The following ZC3H4 variants were observed in gnomAD, a reference collection of about 807,000 sequenced individuals.
ZC3H4 encodes zinc finger CCCH-type containing 4, also known as zinc finger CCCH domain-containing protein 4.
A neutral mutation model predicts 108.3 loss-of-function variants in ZC3H4; 13 were observed. The ratio of observed to expected loss-of-function variants is 0.12; its 90% CI spans 0.08 to 0.19. The LOEUF is 0.19. ZC3H4 is among the 10% of genes least tolerant of loss of function. The pLI is 1.00. For synonymous variants in ZC3H4, 917 were observed against 749.6 expected (o/e 1.22, Z -3.65); for missense variants, 1,734 against 1,838.8 (o/e 0.94, Z 1.04).
At chr19:47,097,213 T>C (rs903029104) in intron 2 of ZC3H4, among the ~76,000 whole-genome samples, 2 of 152,208 alleles carry the variant, frequency 1.3e-5, no homozygotes, top group African/African-American at 4.8e-5. Context: ...ACATCTGGGC[T>C]CAAAGAGAAT....
chr19:47,097,824 G>C (rs768548338), intron 2 of ZC3H4, among the ~76,000 whole-genome samples: 7 of 152,170 alleles, frequency 4.6e-5, no homozygotes, highest in African/African-American at 1.7e-4. Context: ...AAGCAAGCAG[G>C]AGAAAAGCCT....
intron 11 of ZC3H4, among the ~76,000 whole-genome samples, chr19:47,076,186 A>C (rs527958045): frequency 1.0e-3 from 154 of 152,350 alleles, no homozygotes; most frequent in Non-Finnish European, 1.9e-3. Context: ...TGGATAAACA[A>C]ACACAGATCA....
intron 2 of ZC3H4, among the ~76,000 whole-genome samples, chr19:47,095,450 C>A (rs1259807669): frequency 6.6e-6 from 1 of 152,166 alleles, no homozygotes; most frequent in African/African-American, 2.4e-5. Flanking sequence ...TCCTGAGGGC[C>A]TCACATGATA....
At chr19:47,109,693 GC>G (rs772157833) in intron 2 of ZC3H4, among the ~76,000 whole-genome samples, 1 of 152,148 alleles carries the variant, frequency 6.6e-6, no homozygotes, top group East Asian at 1.9e-4. Flanking sequence ...AAAACAAGTG[GC>G]CTATTGAATT....
chr19:47,079,629 G>T (rs576107839), intron 11 of ZC3H4, among the ~76,000 whole-genome samples: 1 of 152,288 alleles, frequency 6.6e-6, no homozygotes, highest in African/African-American at 2.4e-5. Context: ...CAGGCGCTGT[G>T]GCTCACACTT....
At chr19:47,068,104 GTTTGT>G (rs1211807821) in intron 14 of ZC3H4, among the ~76,000 whole-genome samples, 2 of 152,204 alleles carry the variant, frequency 1.3e-5, no homozygotes, top group Admixed American at 6.5e-5. Flanking sequence ...GCACTAAGTA[GTTTGT>G]TTTATTTAAA....
rs910514667 is a variant in ZC3H4 at position 47,066,186 on chromosome 19, C to CAAAG, written c.*166_*169dup. On this transcript the variant is annotated 3_prime_UTR_variant, in exon 15 of 15. Transcript: ENST00000253048. ...ATGGTTATATACAATTTACAAATCT[C>CAAAG]AAAGAAAGTACTACTTTAAAAAAAA... The CAAAG allele has an allele frequency of 1.0e-4, 58 of 560,848 alleles. No individual in the cohort carries two copies. The highest frequency in any genetic ancestry group is 1.4e-4 in the Non-Finnish European group (49 of 339,518). 34.7% of individuals were successfully genotyped at this position (560,848 alleles called of 1,614,324 possible). A position where few individuals can be genotyped will look rare whatever the true frequency, so the allele number is the denominator to read the frequency against.
At chr19:47,075,523 T>C (rs932726451) in intron 11 of ZC3H4, among the ~76,000 whole-genome samples, 4 of 151,938 alleles carry the variant, frequency 2.6e-5, no homozygotes, top group Admixed American at 1.3e-4. Flanking sequence ...ACAAAGCCTC[T>C]TGAATGTCTG....
rs967076145 is a variant in ZC3H4, at chr19:47,064,689, G to A, written c.*1667C>T. The A allele has an allele frequency of 1.3e-5, 2 of 148,254 alleles. No homozygotes were observed. The highest frequency in any genetic ancestry group is 2.5e-5 in the African/African-American group (1 of 40,130). The allele number at this position is 148,254 out of a possible 1,614,324, so 9.2% of individuals were successfully genotyped here. On this transcript the variant is annotated 3_prime_UTR_variant, in exon 15 of 15. Transcript: ENST00000253048. Reference sequence around the variant, plus strand: ...GCCCTCTGCTTCAAGGCCAACACTGGTGGCTGAAGACAAATCTCATTAATG... The same window carrying A: ...GCCCTCTGCTTCAAGGCCAACACTGATGGCTGAAGACAAATCTCATTAATG...
chr19:47,088,866 C>T (rs546532523), intron 5 of ZC3H4, among the ~76,000 whole-genome samples: 40 of 152,192 alleles, frequency 2.6e-4, no homozygotes, highest in African/African-American at 9.1e-4. Flanking sequence ...CTAGGATCTC[C>T]CCAAAGCACA....
chr19:47,097,128 A>G (rs765261086), intron 2 of ZC3H4, among the ~76,000 whole-genome samples: 1 of 152,208 alleles, frequency 6.6e-6, no homozygotes, highest in Non-Finnish European at 1.5e-5. Flanking sequence ...AGAGAAGTGC[A>G]GCATTCAAAT....
At chr19:47,096,253 T>C (rs912920862) in intron 2 of ZC3H4, among the ~76,000 whole-genome samples, 4 of 152,210 alleles carry the variant, frequency 2.6e-5, no homozygotes, top group African/African-American at 9.6e-5. Flanking sequence ...CACAAAACTC[T>C]TTCTGCTGCT....
At position 47,084,762 on chromosome 19, in the gene ZC3H4, A is replaced by G. The variant is rs374994357; in HGVS notation, c.1107+294T>C. Among the ~76,000 whole-genome samples, 64 of 152,326 alleles carry G rather than the reference A, an allele frequency of 4.2e-4. No homozygotes were observed. The East Asian group carries it at 0.011, about 26-fold the overall frequency. On this transcript the variant is annotated intron_variant, in intron 8 of 14. Coordinates refer to ENST00000253048, the MANE Select transcript of ZC3H4 (RefSeq NM_015168.2). ...GAGGTGGTGGCATGGGTCTCCCTGC[A>G]AAACCTTCCAGGGCTAATTGGATGG...
intron 2 of ZC3H4, among the ~76,000 whole-genome samples, chr19:47,097,577 C>T (rs2057842099): frequency 6.6e-6 from 1 of 152,140 alleles, no homozygotes; most frequent in Non-Finnish European, 1.5e-5. Flanking sequence ...GAAAGGAAGT[C>T]GAGCCAAATG....
intron 5 of ZC3H4, among the ~76,000 whole-genome samples, chr19:47,087,759 A>T (rs2057657130): frequency 1.3e-5 from 2 of 152,154 alleles, no homozygotes; most frequent in Admixed American, 1.3e-4. Context: ...CTGTAATCCC[A>T]GCTACTGGAG....
chr19:47,079,970 G>A (rs932353678), intron 11 of ZC3H4, among the ~76,000 whole-genome samples: 1 of 152,142 alleles, frequency 6.6e-6, no homozygotes, highest in Admixed American at 6.5e-5. Flanking sequence ...CTGCCAACGA[G>A]GAATGGACAT....
At chr19:47,107,357 GACC>G (rs2057980547) in intron 2 of ZC3H4, among the ~76,000 whole-genome samples, 2 of 152,130 alleles carry the variant, frequency 1.3e-5, no homozygotes, top group South Asian at 4.1e-4. Context: ...GCACTCATTT[GACC>G]ACAAGGACCC....
chr19:47,078,919 G>A (rs958200811), intron 11 of ZC3H4, among the ~76,000 whole-genome samples: 22 of 151,520 alleles, frequency 1.5e-4, no homozygotes, highest in African/African-American at 4.6e-4. Flanking sequence ...CCCAGCTACT[G>A]TGGAGGCTGA....
intron 2 of ZC3H4, among the ~76,000 whole-genome samples, chr19:47,097,595 C>A (rs1456146176): frequency 6.6e-6 from 1 of 152,152 alleles, no homozygotes; most frequent in Admixed American, 6.6e-5. Flanking sequence ...ATGGGAATCC[C>A]GTGGGCCACC....
Sources: gnomAD v4.1 joint callset for allele counts (sites outside exome capture counted in the v4.1 genomes callset) on GRCh38, gnomAD v4.1.1 for gene constraint, MANE v1.5 for transcripts, NCBI Gene and HGNC (gene_info 2026-07-23, HGNC 2026-07-21) for gene names.